Variants in FRS2 observed in about 807,000 individuals in gnomAD.
FRS2 encodes the protein fibroblast growth factor receptor substrate 2, also known as FGFR signalling adaptor.
A neutral mutation model predicts 43.9 loss-of-function variants in FRS2; 8 were observed. That is an observed-to-expected ratio of 0.18 (90% confidence interval 0.11 to 0.33). FRS2 has a LOEUF of 0.33. Among genes scored for constraint, FRS2 ranks in the 10% least tolerant of loss-of-function variants. FRS2 has a pLI of 1.00. For synonymous variants in FRS2, 219 were observed against 220.3 expected (o/e 0.99, Z 0.05); for missense variants, 534 against 627.6 (o/e 0.85, Z 1.59).
intron 1 of FRS2, among the ~76,000 whole-genome samples, chr12:69,523,864 T>C (rs940656472): frequency 1.3e-5 from 2 of 152,216 alleles, no homozygotes; most frequent in Non-Finnish European, 2.9e-5. Context: ...ATTCCAGTGC[T>C]CCAGGAACAC....
intron 3 of FRS2, among the ~76,000 whole-genome samples, chr12:69,546,985 T>C (rs1450347851): frequency 6.6e-6 from 1 of 152,178 alleles, no homozygotes; most frequent in African/African-American, 2.4e-5. Flanking sequence ...GACAGATGAA[T>C]GGATAAGTAA....
At chr12:69,485,515 T>C (rs1050127341) in intron 1 of FRS2, among the ~76,000 whole-genome samples, 3 of 146,090 alleles carry the variant, frequency 2.1e-5, no homozygotes, top group African/African-American at 7.7e-5. Flanking sequence ...GGAGTCTTGC[T>C]CTTGTCACCC....
intron 1 of FRS2, among the ~76,000 whole-genome samples, chr12:69,498,396 C>T (rs556018240): frequency 1.4e-4 from 21 of 152,208 alleles, no homozygotes; most frequent in African/African-American, 4.8e-4. Flanking sequence ...AGTATTAATT[C>T]ACCTGCCACA....
chr12:69,511,381 G>T (rs910744350), intron 1 of FRS2, among the ~76,000 whole-genome samples: 1 of 151,998 alleles, frequency 6.6e-6, no homozygotes, highest in Non-Finnish European at 1.5e-5. Context: ...CAAATGTTCC[G>T]GCTGAATGTG....
intron 1 of FRS2, among the ~76,000 whole-genome samples, chr12:69,489,817 T>G (rs201421396): frequency 2.8e-5 from 2 of 72,594 alleles, no homozygotes; most frequent in Non-Finnish European, 7.7e-5. Context: ...GTTTTTGGGG[T>G]TTTTTTTTTT....
chr12:69,573,682 C>T (rs1007527392), intron 8 of FRS2, among the ~76,000 whole-genome samples: 2 of 152,156 alleles, frequency 1.3e-5, no homozygotes, highest in Non-Finnish European at 2.9e-5. Context: ...AGGATGGTCT[C>T]GAACTCCTAC....
intron 1 of FRS2, among the ~76,000 whole-genome samples, chr12:69,518,743 A>G (rs915180155): frequency 6.9e-6 from 1 of 144,492 alleles, no homozygotes; most frequent in South Asian, 2.2e-4. Context: ...GGCCAGGCAC[A>G]GTGGCTCATG....
At chr12:69,533,496 C>T (rs1379941106) in intron 3 of FRS2, among the ~76,000 whole-genome samples, 3 of 152,038 alleles carry the variant, frequency 2.0e-5, no homozygotes, top group African/African-American at 2.4e-5. Flanking sequence ...ATTACCGGCA[C>T]GCACCACTGT....
intron 1 of FRS2, among the ~76,000 whole-genome samples, chr12:69,489,177 C>G (rs886994858): frequency 9.2e-5 from 14 of 152,096 alleles, no homozygotes; most frequent in Non-Finnish European, 1.9e-4. Context: ...GTACTCTTAC[C>G]TTCTGTGCAG....
intron 3 of FRS2, among the ~76,000 whole-genome samples, chr12:69,540,808 G>A (rs11177710): frequency 0.19 from 28,265 of 152,080 alleles, 2,821 homozygotes; most frequent in Middle Eastern, 0.29. Context: ...ACAGTGATAA[G>A]TCATGTTGAT....
chr12:69,505,378 A>T (rs1368890665), intron 1 of FRS2, among the ~76,000 whole-genome samples: 1 of 152,240 alleles, frequency 6.6e-6, no homozygotes, highest in Non-Finnish European at 1.5e-5. Flanking sequence ...TACTAATTCC[A>T]TAAAATAAAG....
chr12:69,525,328 A>G (rs1876108112), intron 1 of FRS2, among the ~76,000 whole-genome samples: 4 of 152,170 alleles, frequency 2.6e-5, no homozygotes, highest in Admixed American at 2.0e-4. Context: ...AAGGAAGGAA[A>G]GGAGAGAAAG....
At chr12:69,487,851 G>T (rs1872097457) in intron 1 of FRS2, among the ~76,000 whole-genome samples, 1 of 152,170 alleles carries the variant, frequency 6.6e-6, no homozygotes, top group Non-Finnish European at 1.5e-5. Context: ...GGAAGAAGTT[G>T]ATTCCAGCTC....
chr12:69,551,507 A>G (rs1878870091), intron 3 of FRS2, among the ~76,000 whole-genome samples: 1 of 152,256 alleles, frequency 6.6e-6, no homozygotes, highest in Non-Finnish European at 1.5e-5. Context: ...ATCCAGATAA[A>G]TATGAAGGAA....
rs892986553 is a variant in FRS2, at chr12:69,570,717, T to C, written c.253+200T>C. Among the ~76,000 whole-genome samples, 3 of 152,228 alleles carry C rather than the reference T, an allele frequency of 2.0e-5. No individual in the cohort carries two copies. The South Asian group carries it at 6.2e-4, about 31-fold the overall frequency. ...TGTCTATGTGAGAAATTTTGGCTCATGTCAACTTTAAGATTTTTCAGTAAA... is the reference window on the plus strand; with the variant it reads ...TGTCTATGTGAGAAATTTTGGCTCACGTCAACTTTAAGATTTTTCAGTAAA... On this transcript the variant is annotated intron_variant, in intron 6 of 8. Coordinates refer to ENST00000549921, the MANE Select transcript of FRS2 (RefSeq NM_001278356.2).
At chr12:69,507,952 A>T (rs1440896311) in intron 1 of FRS2, among the ~76,000 whole-genome samples, 1 of 136,102 alleles carries the variant, frequency 7.3e-6, no homozygotes, top group Non-Finnish European at 1.5e-5. Flanking sequence ...TCAACCCAGG[A>T]GGCAGAGGTT....
At chr12:69,504,843 C>T (rs1873779758) in intron 1 of FRS2, among the ~76,000 whole-genome samples, 2 of 152,064 alleles carry the variant, frequency 1.3e-5, no homozygotes, top group South Asian at 2.1e-4. Flanking sequence ...AGCCTAATCC[C>T]CCATAGACAG....
rs59475670 is a variant in FRS2, at chr12:69,530,977, C to CT, written c.-165+34dup. 0.026 allele frequency: 3,471 copies of CT among 134,766 alleles called. 79 individuals are homozygous for CT. Among genetic ancestry groups the CT allele is most frequent in the African/African-American group, 0.055 (2,037 of 37,048 alleles). The allele number at this position is 134,766 out of a possible 1,614,324, so 8.3% of individuals were successfully genotyped here. On this transcript the variant is annotated intron_variant, in intron 2 of 8. Coordinates refer to ENST00000549921, the MANE Select transcript of FRS2 (RefSeq NM_001278356.2). ...ACCAGCTTGGTAAGTGTGGCCAAAT[C>CT]TTTTTTTTTTTTTTTTTAACTTTGT...
intron 1 of FRS2, among the ~76,000 whole-genome samples, chr12:69,506,349 G>GGTTTGA: frequency 6.6e-6 from 1 of 152,132 alleles, no homozygotes; most frequent in African/African-American, 2.4e-5. Flanking sequence ...ATACTTAATT[G>GGTTTGA]GTTTGATCCT....
Sources: allele counts gnomAD v4.1 joint callset (sites outside exome capture counted in the v4.1 genomes callset), GRCh38; gene constraint gnomAD v4.1.1; transcripts MANE v1.5; gene names NCBI Gene and HGNC (gene_info 2026-07-23, HGNC 2026-07-21).